Variants in GPR158 observed in about 807,000 individuals in gnomAD.
GPR158 encodes the protein metabotropic glycine receptor.
In GPR158, 30 loss-of-function variants were observed where a neutral mutation model predicts 78.2. The observed-to-expected ratio is 0.38, with a 90% confidence interval of 0.29 to 0.52. The LOEUF (loss-of-function observed/expected upper bound fraction) is 0.52, where lower values mean the gene tolerates loss of function less well. Among genes scored for constraint, GPR158 ranks in the 20% least tolerant of loss-of-function variants. The pLI is 0.83. For synonymous variants in GPR158, 581 were observed against 591.1 expected, an observed-to-expected ratio of 0.98 and a Z score of 0.25; for missense variants, 1,463 against 1,523.5, an observed-to-expected ratio of 0.96 and a Z score of 0.66.
chr10:25,574,165 AAAAAAAAC>A (rs1232596364), intron 7 of GPR158, among the ~76,000 whole-genome samples: 2 of 150,690 alleles, frequency 1.3e-5, no homozygotes, highest in African/African-American at 4.9e-5. Flanking sequence ...AAAAAAAAAA[AAAAAAAAC>A]CTCAAAATAC....
At chr10:25,239,095 G>A (rs1035774035) in intron 2 of GPR158, among the ~76,000 whole-genome samples, 1 of 152,148 alleles carries the variant, frequency 6.6e-6, no homozygotes, top group Non-Finnish European at 1.5e-5. Context: ...AGAGTACATG[G>A]AGTGAAGAAA....
intron 7 of GPR158, among the ~76,000 whole-genome samples, chr10:25,574,191 CACAA>C (rs1837055844): frequency 9.1e-6 from 1 of 109,692 alleles, no homozygotes; most frequent in Non-Finnish European, 1.9e-5. Context: ...TACATGATGA[CACAA>C]ACAAGCAGAT....
chr10:25,443,533 C>T (rs549577068), intron 4 of GPR158, among the ~76,000 whole-genome samples: 72 of 140,166 alleles, frequency 5.1e-4, no homozygotes, highest in Non-Finnish European at 9.7e-4. Context: ...CCAGCCTGGG[C>T]GACAGAGCGA....
intron 5 of GPR158, among the ~76,000 whole-genome samples, chr10:25,469,477 A>C (rs114762307): frequency 3.2e-4 from 48 of 152,216 alleles, no homozygotes; most frequent in African/African-American, 1.1e-3. Context: ...CTCATATTAG[A>C]AAACCTTTTA....
At chr10:25,381,909 T>C (rs1834160177) in intron 2 of GPR158, among the ~76,000 whole-genome samples, 2 of 152,244 alleles carry the variant, frequency 1.3e-5, no homozygotes, top group South Asian at 4.1e-4. Context: ...GGTCCAATTT[T>C]TGTTTTTGCT....
chr10:25,559,968 T>A (rs1324150209), intron 6 of GPR158, among the ~76,000 whole-genome samples: 1 of 152,202 alleles, frequency 6.6e-6, no homozygotes, highest in Non-Finnish European at 1.5e-5. Context: ...AATATAGTGG[T>A]GTGCGAAGGG....
chr10:25,374,771 T>A (rs866163077), intron 2 of GPR158, among the ~76,000 whole-genome samples: 2 of 151,884 alleles, frequency 1.3e-5, no homozygotes, highest in South Asian at 4.1e-4. Context: ...ATAATATGGA[T>A]GTACTATGTT....
intron 7 of GPR158, among the ~76,000 whole-genome samples, chr10:25,576,837 A>C (rs1837104697): frequency 6.6e-6 from 1 of 152,160 alleles, no homozygotes. Flanking sequence ...TCGTGATGAG[A>C]GTGCAGGGAC....
intron 2 of GPR158, among the ~76,000 whole-genome samples, chr10:25,315,973 A>T (rs1854842020): frequency 6.6e-6 from 1 of 152,164 alleles, no homozygotes; most frequent in Admixed American, 6.5e-5. Context: ...GTTTTTCTAC[A>T]TACTTGATAC....
intron 5 of GPR158, among the ~76,000 whole-genome samples, chr10:25,544,863 C>G (rs919748248): frequency 6.6e-6 from 1 of 152,162 alleles, no homozygotes; most frequent in Non-Finnish European, 1.5e-5. Context: ...CTGCTACCCC[C>G]CAACCCCTGA....
intron 2 of GPR158, among the ~76,000 whole-genome samples, chr10:25,265,494 A>T (rs934295205): frequency 6.6e-6 from 1 of 152,132 alleles, no homozygotes; most frequent in African/African-American, 2.4e-5. Context: ...CTGGGATTTC[A>T]TGATGAATTT....
chr10:25,320,859 G>C (rs757577468), intron 2 of GPR158, among the ~76,000 whole-genome samples: 1 of 152,152 alleles, frequency 6.6e-6, no homozygotes, highest in Non-Finnish European at 1.5e-5. Context: ...CTGTTTTATA[G>C]ATCTCAGGTG....
At chr10:25,284,526 A>C (rs1854319997) in intron 2 of GPR158, among the ~76,000 whole-genome samples, 1 of 148,066 alleles carries the variant, frequency 6.8e-6, no homozygotes, top group Non-Finnish European at 1.5e-5. Flanking sequence ...GTTTAGGATA[A>C]ATTTTCTTTT....
At chr10:25,215,604 G>A (rs1489015501) in intron 1 of GPR158, among the ~76,000 whole-genome samples, 3 of 152,228 alleles carry the variant, frequency 2.0e-5, no homozygotes, top group African/African-American at 7.2e-5. Flanking sequence ...GGAGGCTGAG[G>A]CAGGTGGATC....
At chr10:25,425,446 C>T (rs942949421) in intron 4 of GPR158, among the ~76,000 whole-genome samples, 1 of 151,818 alleles carries the variant, frequency 6.6e-6, no homozygotes, top group African/African-American at 2.4e-5. Context: ...AACATTTTTT[C>T]ATATGTTCAT....
chr10:25,596,019 G>A (rs1162025617), intron 9 of GPR158, among the ~76,000 whole-genome samples: 1 of 152,052 alleles, frequency 6.6e-6, no homozygotes, highest in East Asian at 1.9e-4. Context: ...CTTATAATCT[G>A]GGGAAGGGGA....
At chr10:25,549,566 C>G (rs1181055382) in intron 5 of GPR158, among the ~76,000 whole-genome samples, 1 of 151,982 alleles carries the variant, frequency 6.6e-6, no homozygotes, top group African/African-American at 2.4e-5. Context: ...AGACTAAGGA[C>G]AAATTCTGTG....
intron 5 of GPR158, among the ~76,000 whole-genome samples, chr10:25,540,123 G>A (rs1437778408): frequency 6.6e-6 from 1 of 152,116 alleles, no homozygotes; most frequent in Non-Finnish European, 1.5e-5. Flanking sequence ...CCATCAATAA[G>A]TGGGCGAAGG....
intron 2 of GPR158, among the ~76,000 whole-genome samples, chr10:25,308,322 C>T (rs1354950081): frequency 6.6e-6 from 1 of 152,078 alleles, no homozygotes; most frequent in Admixed American, 6.5e-5. Flanking sequence ...ACCCGACAGG[C>T]CCCAGTGTGT....
Sources: allele counts gnomAD v4.1 joint callset (sites outside exome capture counted in the v4.1 genomes callset), GRCh38; gene constraint gnomAD v4.1.1; transcripts MANE v1.5; gene names NCBI Gene and HGNC (gene_info 2026-07-23, HGNC 2026-07-21).